Variants in SH3RF2 observed in about 807,000 individuals in gnomAD.
SH3RF2 encodes E3 ubiquitin-protein ligase SH3RF2.
A neutral mutation model predicts 59.0 loss-of-function variants in SH3RF2; 43 were observed. The observed-to-expected ratio is 0.73, with a 90% CI of 0.57 to 0.94. The LOEUF is 0.94. Ranked by LOEUF, SH3RF2 falls within the 40% of genes least tolerant of loss-of-function variation. The pLI is 0.00. For synonymous variants in SH3RF2, 391 were observed against 391.5 expected, an observed-to-expected ratio of 1.00 and a Z score of 0.01; for missense variants, 930 against 940.1, an observed-to-expected ratio of 0.99 and a Z score of 0.14.
chr5:146,067,668 C>T (rs1763138171), downstream of SH3RF2, among the ~76,000 whole-genome samples: 1 of 152,154 alleles, frequency 6.6e-6, no homozygotes, highest in Non-Finnish European at 1.5e-5. Context: ...ATGGCAGAGC[C>T]AACATTCAGC....
chr5:146,039,114 A>C (rs188016336), intron 5 of SH3RF2, among the ~76,000 whole-genome samples: 2 of 152,198 alleles, frequency 1.3e-5, no homozygotes, highest in Non-Finnish European at 2.9e-5. Flanking sequence ...AAAAAGATGA[A>C]ATTGGATTCC....
chr5:146,064,804 G>GAAAGAAAGAAAGAAAGA (rs1473449505), downstream of SH3RF2, among the ~76,000 whole-genome samples: 1 of 30,870 alleles, frequency 3.2e-5, no homozygotes, highest in East Asian at 8.6e-4. Context: ...AGGAAGGAAG[G>GAAAGAAAGAAAGAAAGA]AAGGAAAGAA....
At chr5:145,983,109 G>A (rs1018912952) in intron 2 of SH3RF2, among the ~76,000 whole-genome samples, 1 of 152,178 alleles carries the variant, frequency 6.6e-6, no homozygotes, top group Admixed American at 6.5e-5. Flanking sequence ...ATGTAGTGGT[G>A]TTTTGGAGCC....
chr5:145,997,571 G>A (rs993659920), intron 2 of SH3RF2: 7 of 1,608,332 alleles, frequency 4.4e-6, no homozygotes, highest in Non-Finnish European at 6.0e-6. Flanking sequence ...TTTCAGGATT[G>A]GTGGGCTTGG....
rs544952649 is a variant in SH3RF2 at position 146,000,213 on chromosome 5, C to T, written c.534C>T (p.Ser178=). 17 of 1,613,608 alleles carry T rather than the reference C, an allele frequency of 1.1e-5. 1 individual carries two copies. The highest frequency in any genetic ancestry group is 2.7e-5 in the African/African-American group (2 of 75,002). ...NGISGNFPAS[S]VEVIKQLPQP... is the part of the protein sequence containing the mutation. ...TCAGCGGGAACTTCCCAGCCAGCTC[C>T]GTGGAAGTCATCAAGCAGCTGCCCC... Residue 178 remains serine, a synonymous_variant, in exon 3 of 10, where the codon TCC becomes TCT. Transcript: ENST00000359120.
intron 2 of SH3RF2, among the ~76,000 whole-genome samples, chr5:145,973,584 T>C (rs1468991288): frequency 6.6e-6 from 1 of 152,196 alleles, no homozygotes; most frequent in African/African-American, 2.4e-5. Flanking sequence ...AAAGAGATAG[T>C]GCTTCTATTA....
At chr5:145,956,953 A>G (rs1185177928) in intron 2 of SH3RF2, among the ~76,000 whole-genome samples, 2 of 152,252 alleles carry the variant, frequency 1.3e-5, no homozygotes, top group Non-Finnish European at 2.9e-5. Flanking sequence ...TATAAACTGT[A>G]GCAACTCATG....
chr5:145,981,089 ATTTT>A (rs571935512), intron 2 of SH3RF2, among the ~76,000 whole-genome samples: 1 of 151,504 alleles, frequency 6.6e-6, no homozygotes, highest in East Asian at 1.9e-4. Flanking sequence ...AATTTCCTCA[ATTTT>A]TTTTCTTTTT....
At position 146,062,964 on chromosome 5, in the gene SH3RF2, T is replaced by G; in HGVS notation, c.*263T>G. ...CAGACCAAGGAGTGAAAAATTGTCG[T>G]GCCCACTTTATGCCCCAGCATGGAG... On this transcript the variant is annotated 3_prime_UTR_variant, in exon 10 of 10. Transcript: ENST00000359120. The G allele has an allele frequency of 2.0e-6, 1 of 503,542 alleles. No individual in the cohort carries two copies. Among genetic ancestry groups the G allele is most frequent in the Non-Finnish European group, 3.5e-6 (1 of 283,064 alleles). The allele number at this position is 503,542 out of a possible 1,614,324, so 31.2% of individuals were successfully genotyped here.
intron 2 of SH3RF2, among the ~76,000 whole-genome samples, chr5:145,967,028 A>G (rs1357876335): frequency 6.6e-6 from 1 of 152,200 alleles, no homozygotes; most frequent in African/African-American, 2.4e-5. Context: ...CTCAAACTTT[A>G]GAAAAGAAAA....
intron 5 of SH3RF2, among the ~76,000 whole-genome samples, chr5:146,041,437 C>T (rs1421410048): frequency 6.6e-6 from 1 of 152,242 alleles, no homozygotes; most frequent in Admixed American, 6.5e-5. Context: ...GCGTGTCCTG[C>T]TTATTGCAGT....
chr5:146,069,757 A>G (rs1032633224), intron 9 of SH3RF2, among the ~76,000 whole-genome samples: 1 of 151,958 alleles, frequency 6.6e-6, no homozygotes, highest in Non-Finnish European at 1.5e-5. Flanking sequence ...TATTTTTTGT[A>G]GAGGTAGGGT....
intron 2 of SH3RF2, among the ~76,000 whole-genome samples, chr5:145,995,895 A>G (rs1760128303): frequency 6.6e-6 from 1 of 152,224 alleles, no homozygotes; most frequent in African/African-American, 2.4e-5. Context: ...AAAAACATCA[A>G]TTTTAATGAC....
intron 5 of SH3RF2, among the ~76,000 whole-genome samples, chr5:146,023,098 T>A (rs957619092): frequency 1.3e-5 from 2 of 152,180 alleles, no homozygotes; most frequent in South Asian, 2.1e-4. Flanking sequence ...ATCTATACAT[T>A]AAAAAAACAA....
intron 2 of SH3RF2, among the ~76,000 whole-genome samples, chr5:145,983,672 G>A (rs1759592824): frequency 6.6e-6 from 1 of 152,124 alleles, no homozygotes; most frequent in African/African-American, 2.4e-5. Context: ...ATACCTCCTT[G>A]CTCTCTCCTG....
At chr5:146,004,732 A>C (rs1426854992) in intron 4 of SH3RF2, among the ~76,000 whole-genome samples, 1 of 152,080 alleles carries the variant, frequency 6.6e-6, no homozygotes, top group Non-Finnish European at 1.5e-5. Context: ...AATAATATTT[A>C]ATATCATAAA....
At chr5:145,948,348 T>C (rs1758069369) in intron 2 of SH3RF2, among the ~76,000 whole-genome samples, 1 of 152,322 alleles carries the variant, frequency 6.6e-6, no homozygotes, top group Non-Finnish European at 1.5e-5. Flanking sequence ...ACACTGAGGA[T>C]TGCAAACCTC....
Position 146,060,095 on chromosome 5 carries a change from C to T in SH3RF2, c.1785C>T (p.Ser595=), listed in dbSNP as rs1307443525. Residue 595 remains serine (S), a synonymous_variant, in exon 9 of 10, where the codon TCC becomes TCT. Transcript: ENST00000359120. ...GGGGCAGTGAGGCCTGGATCCACTC[C>T]GCGGCCAGCTCCCTCATTATGGAAG... ...ISRGSEAWIH[S]AASSLIMEDK... 7.4e-6 allele frequency: 12 copies of T among 1,613,968 alleles called. No individual in the cohort carries two copies. Among genetic ancestry groups the T allele is most frequent in the African/African-American group, 2.7e-5 (2 of 74,914 alleles).
At chr5:145,959,070 A>G (rs1166234218) in intron 2 of SH3RF2, among the ~76,000 whole-genome samples, 1 of 152,204 alleles carries the variant, frequency 6.6e-6, no homozygotes, top group Non-Finnish European at 1.5e-5. Flanking sequence ...AATAAAACTA[A>G]GACAGCAATG....
Sources: gnomAD v4.1 joint callset for allele counts (sites outside exome capture counted in the v4.1 genomes callset) on GRCh38, gnomAD v4.1.1 for gene constraint, MANE v1.5 for transcripts, NCBI Gene and HGNC (gene_info 2026-07-23, HGNC 2026-07-21) for gene names.